The following CNTLN variants were observed in gnomAD, a reference collection of about 807,000 sequenced individuals.
CNTLN encodes the protein centlein, centrosomal protein.
In CNTLN, 212 loss-of-function variants were observed where a neutral mutation model predicts 180.0. The observed-to-expected ratio is 1.18, with a 90% CI of 1.05 to 1.32. The LOEUF (loss-of-function observed/expected upper bound fraction) is 1.32, where lower values mean the gene tolerates loss of function less well. Ranked by LOEUF, CNTLN falls within the 40% of genes most tolerant of loss-of-function variation. CNTLN has a pLI of 0.00. For synonymous variants in CNTLN, 722 were observed against 563.1 expected (o/e 1.28, Z -3.99); for missense variants, 2,095 against 1,610.9 (o/e 1.30, Z -5.14).
intron 23 of CNTLN, among the ~76,000 whole-genome samples, chr9:17,483,268 G>T (rs1049537969): frequency 2.6e-5 from 4 of 152,046 alleles, no homozygotes; most frequent in African/African-American, 9.7e-5. Flanking sequence ...TTAAAATACA[G>T]CAAAAACACA....
chr9:17,464,243 CA>C (rs1831613855), intron 20 of CNTLN, among the ~76,000 whole-genome samples: 1 of 151,134 alleles, frequency 6.6e-6, no homozygotes, highest in Non-Finnish European at 1.5e-5. Flanking sequence ...TAATTTTTCT[CA>C]TTTCTTATAT....
chr9:17,152,207 T>C lies in CNTLN; in HGVS notation c.449+8831T>C, dbSNP rs367804099. ...TTATTTCTTGTCTTCTGCTAGCTTT[T>C]GAATTTGTTTGCTGTTGCTTCTCTA... On this transcript the variant is annotated intron_variant, in intron 2 of 25. Coordinates refer to ENST00000380647, the MANE Select transcript of CNTLN (RefSeq NM_017738.4). Among the ~76,000 whole-genome samples, 119 of 152,318 alleles carry C rather than the reference T, an allele frequency of 7.8e-4. 2 individuals are homozygous for C. In the South Asian group the frequency reaches 0.023, roughly 30 times the overall value.
At chr9:17,460,270 A>G (rs1011399845) in intron 19 of CNTLN, among the ~76,000 whole-genome samples, 2 of 151,720 alleles carry the variant, frequency 1.3e-5, no homozygotes, top group African/African-American at 4.8e-5. Context: ...CATGCTCCTA[A>G]TTACTATACT....
Position 17,149,548 on chromosome 9 carries a change from C to T in CNTLN, c.449+6172C>T, listed in dbSNP as rs537431900. 5.5e-3 allele frequency among the ~76,000 whole-genome samples: 714 copies of T among 129,740 alleles called. 4 individuals are homozygous for T. The highest frequency in any genetic ancestry group is 9.5e-3 in the Admixed American group (107 of 11,230). 85.1% of individuals were successfully genotyped at this position (129,740 alleles called of 152,430 possible). Reference sequence around the variant, plus strand: ...TTTTTTTTTTTTAGAGACTGGGTCTCGCTCTGTCGCCCAGGCTGGAGTGCA... The same window carrying T: ...TTTTTTTTTTTTAGAGACTGGGTCTTGCTCTGTCGCCCAGGCTGGAGTGCA... On this transcript the variant is annotated intron_variant, in intron 2 of 25. Coordinates refer to ENST00000380647, the MANE Select transcript of CNTLN (RefSeq NM_017738.4).
At chr9:17,325,178 T>G (rs1820182015) in intron 8 of CNTLN, among the ~76,000 whole-genome samples, 1 of 149,886 alleles carries the variant, frequency 6.7e-6, no homozygotes, top group Non-Finnish European at 1.5e-5. Flanking sequence ...ATATTCTTTT[T>G]CTTTTTCTTT....
At chr9:17,382,369 A>G (rs1221899283) in intron 13 of CNTLN, among the ~76,000 whole-genome samples, 2 of 152,228 alleles carry the variant, frequency 1.3e-5, no homozygotes, top group Admixed American at 6.5e-5. Flanking sequence ...AACATCACCA[A>G]AACAATCAAG....
intron 6 of CNTLN, among the ~76,000 whole-genome samples, chr9:17,281,189 C>G (rs1404124244): frequency 6.6e-6 from 1 of 152,136 alleles, no homozygotes; most frequent in Non-Finnish European, 1.5e-5. Flanking sequence ...GAGGTATACT[C>G]TTCCTCTAAG....
chr9:17,172,332 G>T (rs1448752054), intron 2 of CNTLN, among the ~76,000 whole-genome samples: 1 of 152,166 alleles, frequency 6.6e-6, no homozygotes, highest in Non-Finnish European at 1.5e-5. Flanking sequence ...GGTAGCACCT[G>T]CTGTGTAGCT....
chr9:17,258,249 G>C (rs906899747), intron 5 of CNTLN, among the ~76,000 whole-genome samples: 11 of 98,366 alleles, frequency 1.1e-4, no homozygotes, highest in Non-Finnish European at 1.8e-4. Context: ...TTTCCCCATT[G>C]CTTGTTTTTC....
chr9:17,398,866 A>G (rs1490051284), intron 15 of CNTLN, among the ~76,000 whole-genome samples: 1 of 152,198 alleles, frequency 6.6e-6, no homozygotes, highest in African/African-American at 2.4e-5. Flanking sequence ...TTACAAGAAA[A>G]GCTCTCTTAT....
chr9:17,263,086 C>A (rs1827129623), intron 5 of CNTLN, among the ~76,000 whole-genome samples: 1 of 150,778 alleles, frequency 6.6e-6, no homozygotes, highest in African/African-American at 2.5e-5. Flanking sequence ...TACATGTGCA[C>A]AACGTGCAGG....
intron 2 of CNTLN, among the ~76,000 whole-genome samples, chr9:17,160,445 A>C (rs1282414332): frequency 6.6e-6 from 1 of 152,046 alleles, no homozygotes; most frequent in African/African-American, 2.4e-5. Context: ...CCTTTCTTTA[A>C]ATTTCACATC....
At chr9:17,476,025 C>T (rs1293767407) in intron 23 of CNTLN, among the ~76,000 whole-genome samples, 1 of 151,928 alleles carries the variant, frequency 6.6e-6, no homozygotes, top group African/African-American at 2.4e-5. Flanking sequence ...AATCTGCCAG[C>T]TCTATTTTTT....
chr9:17,427,787 C>T (rs780308893), intron 18 of CNTLN, among the ~76,000 whole-genome samples: 4 of 152,140 alleles, frequency 2.6e-5, no homozygotes, highest in Admixed American at 2.6e-4. Flanking sequence ...ATTATCACAT[C>T]TGTACCATAG....
At chr9:17,237,495 A>T (rs1825229650) in intron 5 of CNTLN, among the ~76,000 whole-genome samples, 1 of 151,920 alleles carries the variant, frequency 6.6e-6, no homozygotes. Context: ...AAAACAACAC[A>T]ATTAAAAGTA....
intron 2 of CNTLN, among the ~76,000 whole-genome samples, chr9:17,146,756 A>AT (rs1290062400): frequency 6.6e-6 from 1 of 152,144 alleles, no homozygotes; most frequent in Non-Finnish European, 1.5e-5. Context: ...GATTATTTGA[A>AT]TTTTAAAATT....
intron 3 of CNTLN, among the ~76,000 whole-genome samples, chr9:17,234,414 G>T (rs1825007559): frequency 6.6e-6 from 1 of 150,930 alleles, no homozygotes; most frequent in Admixed American, 6.6e-5. Context: ...CTGCACTCCA[G>T]AGTGGGTGAC....
intron 12 of CNTLN, among the ~76,000 whole-genome samples, chr9:17,359,002 T>G (rs1213124305): frequency 1.3e-5 from 2 of 151,698 alleles, no homozygotes; most frequent in African/African-American, 4.9e-5. Context: ...TATTTATTCC[T>G]CTCCTCTCCC....
At chr9:17,335,239 C>T (rs1820927142) in intron 10 of CNTLN, among the ~76,000 whole-genome samples, 1 of 152,210 alleles carries the variant, frequency 6.6e-6, no homozygotes. Flanking sequence ...AAATTATTGG[C>T]TGGGCGCGGT....
Sources: allele counts gnomAD v4.1 joint callset (sites outside exome capture counted in the v4.1 genomes callset), GRCh38; gene constraint gnomAD v4.1.1; transcripts MANE v1.5; gene names NCBI Gene and HGNC (gene_info 2026-07-23, HGNC 2026-07-21).